The following CHRD variants were observed in gnomAD, a reference collection of about 807,000 sequenced individuals.
CHRD encodes the protein chordin.
CHRD carries 69 observed loss-of-function variants against 113.7 expected under a neutral mutation model. The ratio of observed to expected loss-of-function variants is 0.61; its 90% CI spans 0.50 to 0.74. The LOEUF is 0.74. Ranked by LOEUF, CHRD falls within the 30% of genes least tolerant of loss-of-function variation. The pLI, the probability that CHRD is intolerant of heterozygous loss-of-function variation, is 0.00. For missense variants in CHRD, 1,194 were observed against 1,295.8 expected, an observed-to-expected ratio of 0.92 and a Z score of 1.21; for synonymous variants, 561 against 540.8, an observed-to-expected ratio of 1.04 and a Z score of -0.52.
exon 23 of CHRD, chr3:184,389,535 G>T: frequency 2.2e-6 from 2 of 927,012 alleles, no homozygotes; most frequent in Middle Eastern, 2.9e-4. Context: ...TTGCTCCTCT[G>T]TCCTGCCTCT....
At position 184,381,589 on chromosome 3, in the gene CHRD, G is replaced by A. The variant is rs748373553; in HGVS notation, c.476G>A (p.Gly159Asp). The change falls in exon 4 of 23, where the codon GGC (glycine) becomes GAC (aspartate). Residue 159 changes from glycine to aspartate, a missense_variant. By Grantham distance (94) the Gly-to-Asp change is moderately conservative. Coordinates refer to ENST00000204604, the Ensembl canonical transcript of CHRD. This position sits in a 1 kb window ranked among gnomAD's most constrained non-coding sequence, Gnocchi z 4.7. ...AGTTATAGCGACCGCGGGGAGCCAG[G>A]CGCTGAGGAGCGGGCCCGTGGTGAC... 7 of 1,608,264 alleles carry A rather than the reference G, an allele frequency of 4.4e-6. No homozygotes were observed. The highest frequency in any genetic ancestry group is 2.2e-5 in the East Asian group (1 of 44,790).
At position 184,384,948 on chromosome 3, in the gene CHRD, G is replaced by C; in HGVS notation, c.1598-70G>C. ...TCGTGGAATGTGTGCTGGGGAGCTG[G>C]GAATGCTGGGTTTGAGGGCTTGCCC... On this transcript the variant is annotated intron_variant, in intron 13 of 22. Coordinates refer to ENST00000204604, the Ensembl canonical transcript of CHRD. This position sits in a 1 kb window ranked among gnomAD's most constrained non-coding sequence, Gnocchi z 4.4. The C allele has an allele frequency of 6.7e-7, 1 of 1,486,490 alleles. No individual in the cohort carries two copies. Among genetic ancestry groups the C allele is most frequent in the Non-Finnish European group, 9.3e-7 (1 of 1,073,836 alleles). The allele number at this position is 1,486,490 out of a possible 1,614,324, so 92.1% of individuals were successfully genotyped here.
rs1335484009 is a variant in CHRD, at chr3:184,385,210, G to A, written c.1790G>A (p.Arg597Gln). 1.9e-5 allele frequency: 30 copies of A among 1,613,806 alleles called. No homozygotes were observed. Among genetic ancestry groups the A allele is most frequent in the Middle Eastern group, 1.6e-4 (1 of 6,082 alleles). Residue 597 changes from arginine to glutamine, a missense_variant, in exon 14 of 23, where the codon CGG (arginine) becomes CAG (glutamine). Coordinates refer to ENST00000204604, the Ensembl canonical transcript of CHRD. Reference sequence around the variant, plus strand: ...CCTCCTGGAACGCCAGGGCCTCGGCGGCTGCTGAAGGGATTCTATGGCTCA... The same window carrying A: ...CCTCCTGGAACGCCAGGGCCTCGGCAGCTGCTGAAGGGATTCTATGGCTCA...
intron 12 of CHRD, among the ~76,000 whole-genome samples, chr3:184,383,900 C>A (rs1715871818): frequency 4.6e-5 from 7 of 151,800 alleles, no homozygotes; most frequent in Admixed American, 4.6e-4. Flanking sequence ...CCTCAGCCTC[C>A]CAAGTAGCTG....
In CHRD at chr3:184,384,869, G is replaced by A; in HGVS notation, c.1598-149G>A. ...ACTCTTCCTGTTGCTGAGGTTCAAG[G>A]GTCTAAAACTTGCTGCTCTCCAGGC... On this transcript the variant is annotated intron_variant, in intron 13 of 22. Transcript: ENST00000204604. The surrounding 1 kb of genome is among the most constrained non-coding windows in gnomAD (Gnocchi z 4.4). 8.3e-7 allele frequency: 1 copy of A among 1,200,640 alleles called. No individual in the cohort carries two copies. The highest frequency in any genetic ancestry group is 1.2e-6 in the Non-Finnish European group (1 of 852,670). 74.4% of individuals were successfully genotyped at this position (1,200,640 alleles called of 1,614,324 possible).
At chr3:184,382,729 C>T in exon 8 of CHRD, 1 of 1,613,978 alleles carries the variant, frequency 6.2e-7, no homozygotes, top group Non-Finnish European at 8.5e-7. Context: ...GGACTCCTTG[C>T]ATTTTTTGCT....
At chr3:184,383,562 A>G (rs1015500603) in exon 12 of CHRD, 1 of 1,613,932 alleles carries the variant, frequency 6.2e-7, no homozygotes, top group African/African-American at 1.3e-5. Context: ...GGTGGCCATG[A>G]CACTGGAGAC....
In CHRD at chr3:184,388,973, C is replaced by T; in HGVS notation, c.2790C>T (p.Ser930=). ...CGGGGAAGGAGAGTCGATGCTGTTC[C>T]CGCTGCACGGCCCACCGGCGGCGTA... Residue 930 remains serine (S), a synonymous_variant, in exon 22 of 23, where the codon TCC becomes TCT. Transcript: ENST00000204604. The surrounding 1 kb of genome is among the most constrained non-coding windows in gnomAD (Gnocchi z 6.1). 1 of 1,611,966 alleles carries T rather than the reference C, an allele frequency of 6.2e-7. No individual in the cohort carries two copies. Among genetic ancestry groups the T allele is most frequent in the South Asian group, 1.1e-5 (1 of 91,058 alleles).
chr3:184,382,903 C>T lies in CHRD; in HGVS notation c.1030C>T (p.Leu344=), dbSNP rs752438053. 2.9e-5 allele frequency: 47 copies of T among 1,613,800 alleles called. No individual in the cohort carries two copies. In the Middle Eastern group the frequency reaches 9.9e-4, roughly 34 times the overall value. Residue 344 remains leucine, a synonymous_variant, in exon 9 of 23, where the codon CTA becomes TTA. Transcript: ENST00000204604. ...GCTCCAGATTCTACACCAGGGGCAG[C>T]TACTGCGAGAACTTCAGGCCAATGT...
chr3:184,389,099 A>G, intron 22 of CHRD, 104 bp downstream of exon 22: 4 of 809,366 alleles, frequency 4.9e-6, no homozygotes, highest in Non-Finnish European at 6.0e-6. Flanking sequence ...GGAACAGTGC[A>G]GCCTGCCTCA....
At chr3:184,386,208 G>A (rs775243118) in intron 15 of CHRD, 49 bp downstream of exon 15, 1 of 1,573,048 alleles carries the variant, frequency 6.4e-7, no homozygotes, top group Non-Finnish European at 8.7e-7. Flanking sequence ...GTGCAGAGTT[G>A]GAGGGGCACT....
rs185841327 is a variant in CHRD, at chr3:184,381,419, G to C, written c.382+55G>C. 3.1e-6 allele frequency: 5 copies of C among 1,598,328 alleles called. No individual in the cohort carries two copies. Among genetic ancestry groups the C allele is most frequent in the Non-Finnish European group, 3.4e-6 (4 of 1,172,646 alleles). On this transcript the variant is annotated intron_variant, in intron 3 of 22. Transcript: ENST00000204604. This position sits in a 1 kb window ranked among gnomAD's most constrained non-coding sequence, Gnocchi z 4.7. ...AGGCAGGGCCACGATACTAGGTCCC[G>C]GGCCACTTGGATGGGGCGTCGGACT...
At chr3:184,382,349 C>T in intron 6 of CHRD, 40 bp from the exon 7 acceptor site, 1 of 1,613,696 alleles carries the variant, frequency 6.2e-7, no homozygotes, top group Non-Finnish European at 8.5e-7. Flanking sequence ...CTAGCCTGCA[C>T]AGTGTCTGAG....
rs1444333469 is a variant in CHRD at position 184,380,609 on chromosome 3, G to C, written c.149-83G>C. ...GCGGGGGCAGAAGGGCGCGGTGCCT[G>C]GGACCCGGGACCCGCGGGCAGCCCC... On this transcript the variant is annotated intron_variant, in intron 1 of 22. Transcript: ENST00000204604. This position sits in a 1 kb window ranked among gnomAD's most constrained non-coding sequence, Gnocchi z 6.3. The C allele has an allele frequency of 7.7e-5, 93 of 1,202,958 alleles. No homozygotes were observed. The highest frequency in any genetic ancestry group is 9.9e-5 in the Non-Finnish European group (92 of 928,870). The allele number at this position is 1,202,958 out of a possible 1,614,324, so 74.5% of individuals were successfully genotyped here.
chr3:184,389,484 C>T (rs893862350), exon 23 of CHRD: 55 of 1,477,160 alleles, frequency 3.7e-5, no homozygotes, highest in Middle Eastern at 1.7e-4. Flanking sequence ...GGGGTGGCAT[C>T]GAGGACCTTC....
rs1369906699 is a variant in CHRD at position 184,380,620 on chromosome 3, C to G, written c.149-72C>G. 6.3e-6 allele frequency: 8 copies of G among 1,266,220 alleles called. No individual in the cohort carries two copies. The highest frequency in any genetic ancestry group is 7.2e-6 in the Non-Finnish European group (7 of 972,008). The allele number at this position is 1,266,220 out of a possible 1,614,324, so 78.4% of individuals were successfully genotyped here. A position where few individuals can be genotyped will look rare whatever the true frequency, so the allele number is the denominator to read the frequency against. On this transcript the variant is annotated intron_variant, in intron 1 of 22. Coordinates refer to ENST00000204604, the Ensembl canonical transcript of CHRD. This position sits in a 1 kb window ranked among gnomAD's most constrained non-coding sequence, Gnocchi z 6.3. ...AGGGCGCGGTGCCTGGGACCCGGGA[C>G]CCGCGGGCAGCCCCCGGGGCGGCAC...
In CHRD at chr3:184,380,831, G is replaced by A; in HGVS notation, c.252+36G>A. 1.3e-6 allele frequency: 2 copies of A among 1,494,874 alleles called. No individual in the cohort carries two copies. The highest frequency in any genetic ancestry group is 1.8e-6 in the Non-Finnish European group (2 of 1,117,768). The allele number at this position is 1,494,874 out of a possible 1,614,324, so 92.6% of individuals were successfully genotyped here. ...CCCGCGGCCGGCCCGGGCCCTGGCG[G>A]GTGGGGAGCGCCGGGTCGCGCGGGC... On this transcript the variant is annotated intron_variant, in intron 2 of 22. Transcript: ENST00000204604. The surrounding 1 kb of genome is among the most constrained non-coding windows in gnomAD (Gnocchi z 6.3).
chr3:184,383,681 G>A (rs1255294276), intron 12 of CHRD, 39 bp downstream of exon 12: 2 of 1,560,762 alleles, frequency 1.3e-6, no homozygotes, highest in Non-Finnish European at 1.7e-6. Context: ...AGGGCCCAAT[G>A]CATGGGCTGT....
At position 184,387,059 on chromosome 3, in the gene CHRD, G is replaced by T; in HGVS notation, c.2299G>T (p.Asp767Tyr). 1 of 1,614,194 alleles carries T rather than the reference G, an allele frequency of 6.2e-7. No homozygotes were observed. The highest frequency in any genetic ancestry group is 8.5e-7 in the Non-Finnish European group (1 of 1,180,022). ...TTTCTTTGGCTCCACAGAGAAACAA[G>T]ATGTCAGAGACTTGCCAGGGCTGCC... The change falls in exon 18 of 23, where the codon GAT (aspartate) becomes TAT (tyrosine). Residue 767 changes from aspartate (D) to tyrosine (Y), a missense_variant. Asp to Tyr is a radical substitution (Grantham distance 160). Coordinates refer to ENST00000204604, the Ensembl canonical transcript of CHRD. This position sits in a 1 kb window ranked among gnomAD's most constrained non-coding sequence, Gnocchi z 6.1.
Sources: allele counts gnomAD v4.1 joint callset (sites outside exome capture counted in the v4.1 genomes callset), GRCh38; gene constraint gnomAD v4.1.1; non-coding constraint Gnocchi (gnomAD v3.1); transcripts MANE v1.5; gene names NCBI Gene and HGNC (gene_info 2026-07-23, HGNC 2026-07-21).